Variants in NPIPB2 observed in about 807,000 individuals in gnomAD.
NPIPB2 encodes nuclear pore complex interacting protein family member B2.
In NPIPB2, 27 loss-of-function variants were observed where a neutral mutation model predicts 30.8. The ratio of observed to expected loss-of-function variants is 0.88; its 90% CI spans 0.65 to 1.21. The LOEUF (loss-of-function observed/expected upper bound fraction) is 1.21, where lower values mean the gene tolerates loss of function less well. Ranked by LOEUF, NPIPB2 falls within the 50% of genes most tolerant of loss-of-function variation. The probability of loss-of-function intolerance (pLI) is 0.00; values close to 1 mark genes in which losing one functional copy is unlikely to be tolerated. For synonymous variants in NPIPB2, 147 were observed against 162.0 expected (o/e 0.91, Z 0.70); for missense variants, 440 against 446.2 (o/e 0.99, Z 0.13).
chr16:11,972,893 G>A (rs1209930594), intron 1 of NPIPB2, among the ~76,000 whole-genome samples: 2 of 151,894 alleles, frequency 1.3e-5, no homozygotes, highest in African/African-American at 2.4e-5. Flanking sequence ...GGGCGTGGAG[G>A]CTGATGCCTG....
chr16:11,942,113 A>G, upstream of NPIPB2: 2 of 1,532,214 alleles, frequency 1.3e-6, no homozygotes, highest in Non-Finnish European at 1.7e-6. Flanking sequence ...CTGTCCATCA[A>G]CCTGTATCTC....
chr16:11,934,857 C>CA (rs200493261), intron 2 of NPIPB2, among the ~76,000 whole-genome samples: 33,908 of 97,550 alleles, frequency 0.35, 6,270 homozygotes, highest in Non-Finnish European at 0.46. Context: ...GACTCTGTCT[C>CA]AAAAAAAAAA....
chr16:11,946,879 C>G (rs897779138), upstream of NPIPB2, among the ~76,000 whole-genome samples: 2 of 151,638 alleles, frequency 1.3e-5, no homozygotes, highest in East Asian at 3.9e-4. Flanking sequence ...GCCACCACAC[C>G]CGGCTAATTT....
intron 1 of NPIPB2, among the ~76,000 whole-genome samples, chr16:11,954,475 C>CT (rs1156773113): frequency 3.0e-5 from 4 of 131,248 alleles, no homozygotes; most frequent in Non-Finnish European, 6.3e-5. Flanking sequence ...AAGACTCTGT[C>CT]TTTAAAAAAA....
chr16:11,968,120 G>A, intron 1 of NPIPB2: 1 of 377,234 alleles, frequency 2.7e-6, no homozygotes, highest in Non-Finnish European at 4.8e-6. Flanking sequence ...GTATACCAGT[G>A]TGGGGGGTGA....
At chr16:11,966,373 T>A in intron 1 of NPIPB2, 1 of 1,598,458 alleles carries the variant, frequency 6.3e-7, no homozygotes, top group African/African-American at 1.4e-5. Context: ...TGAAATCTAT[T>A]TCCAGGGGAT....
intron 1 of NPIPB2, among the ~76,000 whole-genome samples, chr16:11,959,359 A>G (rs1470035576): frequency 6.6e-6 from 1 of 152,172 alleles, no homozygotes; most frequent in Admixed American, 6.6e-5. Flanking sequence ...AAGTGGGAGA[A>G]TAGCTTGAGG....
chr16:11,932,909 G>C (rs1596488827), intron 4 of NPIPB2, among the ~76,000 whole-genome samples: 1 of 144,454 alleles, frequency 6.9e-6, no homozygotes, highest in Non-Finnish European at 1.5e-5. Context: ...AGTGAGCCAA[G>C]ATTGCACCAT....
At chr16:11,970,135 G>A (rs1303402410) in intron 1 of NPIPB2, among the ~76,000 whole-genome samples, 1 of 152,056 alleles carries the variant, frequency 6.6e-6, no homozygotes, top group Non-Finnish European at 1.5e-5. Context: ...GATCACCTGA[G>A]GTCAGGAGTT....
chr16:11,951,502 C>T (rs1301967028), intron 1 of NPIPB2, among the ~76,000 whole-genome samples: 2 of 143,934 alleles, frequency 1.4e-5, no homozygotes, highest in Non-Finnish European at 3.0e-5. Flanking sequence ...ATTAACATTA[C>T]TCAGAATTCA....
intron 1 of NPIPB2, among the ~76,000 whole-genome samples, chr16:11,974,028 C>A (rs2055252045): frequency 6.6e-6 from 1 of 152,104 alleles, no homozygotes; most frequent in Admixed American, 6.6e-5. Flanking sequence ...CTCAGTTTTA[C>A]AGGGAGGGGA....
intron 1 of NPIPB2, chr16:11,967,815 A>G: frequency 6.2e-7 from 1 of 1,614,158 alleles, no homozygotes; most frequent in Non-Finnish European, 8.5e-7. Context: ...TTTGAGTGCT[A>G]CGGAGATAGA....
chr16:11,945,725 T>C (rs137872652), upstream of NPIPB2, among the ~76,000 whole-genome samples: 324 of 151,670 alleles, frequency 2.1e-3, 1 homozygote, highest in Non-Finnish European at 1.7e-3. Flanking sequence ...ATGCTGAGCA[T>C]AGGGAATGTG....
chr16:11,951,619 T>TACACAC (rs1237887146), intron 1 of NPIPB2, among the ~76,000 whole-genome samples: 167 of 115,884 alleles, frequency 1.4e-3, no homozygotes, highest in African/African-American at 4.6e-3. Flanking sequence ...ACACTGCACA[T>TACACAC]ACACATACAC....
intron 1 of NPIPB2, among the ~76,000 whole-genome samples, chr16:11,959,579 C>T (rs1168038234): frequency 6.6e-6 from 1 of 151,488 alleles, no homozygotes; most frequent in African/African-American, 2.4e-5. Flanking sequence ...CAGAGGGAGA[C>T]CCCGTCTCAA....
chr16:11,965,206 G>C (rs888178970), intron 1 of NPIPB2: 1 of 1,385,440 alleles, frequency 7.2e-7, no homozygotes, highest in African/African-American at 1.4e-5. Flanking sequence ...AGCAGGCGAA[G>C]TTCATTGTTC....
chr16:11,963,509 T>C (rs1596505896), intron 1 of NPIPB2, among the ~76,000 whole-genome samples: 1 of 151,470 alleles, frequency 6.6e-6, no homozygotes, highest in Non-Finnish European at 1.5e-5. Flanking sequence ...ATAAGAAAAA[T>C]ACAACAAAAG....
chr16:11,941,753 G>T (rs1052484897), intron 1 of NPIPB2: 4 of 893,790 alleles, frequency 4.5e-6, no homozygotes, highest in Admixed American at 2.0e-5. Flanking sequence ...GCCAAGTAGC[G>T]CCCGCATCAT....
chr16:11,944,899 C>A (rs576215531), upstream of NPIPB2, among the ~76,000 whole-genome samples: 76 of 151,708 alleles, frequency 5.0e-4, no homozygotes, highest in Non-Finnish European at 8.7e-4. Context: ...TAATAGCCAG[C>A]CGGGCACGGT....
Sources: gnomAD v4.1 joint callset for allele counts (sites outside exome capture counted in the v4.1 genomes callset) on GRCh38, gnomAD v4.1.1 for gene constraint, MANE v1.5 for transcripts, NCBI Gene and HGNC (gene_info 2026-07-23, HGNC 2026-07-21) for gene names.